The following BFSP1 variants were observed in gnomAD, a reference collection of about 807,000 sequenced individuals.
The protein encoded by BFSP1 is filensin.
A neutral mutation model predicts 43.9 loss-of-function variants in BFSP1; 38 were observed. The ratio of observed to expected loss-of-function variants is 0.87; its 90% CI spans 0.67 to 1.14. The LOEUF is 1.14. BFSP1 is among the 50% of genes most tolerant of loss of function. BFSP1 has a pLI of 0.00. For synonymous variants in BFSP1, 352 were observed against 354.8 expected (o/e 0.99, Z 0.09); for missense variants, 850 against 875.1 (o/e 0.97, Z 0.36).
chr20:17,565,461 G>C (rs1427867702), intron 1 of BFSP1: 1 of 152,234 alleles, frequency 6.6e-6, no homozygotes, highest in Non-Finnish European at 1.5e-5. Context: ...ATGCCCATCA[G>C]TAGGGGAAAA....
intron 1 of BFSP1, among the ~76,000 whole-genome samples, chr20:17,568,740 T>C (rs959559780): frequency 1.3e-5 from 2 of 151,992 alleles, no homozygotes; most frequent in Admixed American, 1.3e-4. Context: ...TAATGAGAAA[T>C]GGGTTCCTAT....
chr20:17,545,453 A>G (rs551542899), intron 1 of BFSP1, among the ~76,000 whole-genome samples: 1 of 152,366 alleles, frequency 6.6e-6, no homozygotes, highest in African/African-American at 2.4e-5. Context: ...AGTAAAAGGC[A>G]TGGTTAAACA....
At chr20:17,567,408 AAAT>A (rs1038788524) in intron 1 of BFSP1, among the ~76,000 whole-genome samples, 2 of 152,208 alleles carry the variant, frequency 1.3e-5, no homozygotes, top group Admixed American at 1.3e-4. Flanking sequence ...AAATGCACAT[AAAT>A]AATTACAGAG....
At chr20:17,512,327 A>G (rs2034103824) in intron 3 of BFSP1, among the ~76,000 whole-genome samples, 1 of 152,134 alleles carries the variant, frequency 6.6e-6, no homozygotes, top group African/African-American at 2.4e-5. Context: ...TGAATAAACT[A>G]AGACTTGCCT....
chr20:17,559,990 T>C (rs928759982), upstream of BFSP1, among the ~76,000 whole-genome samples: 5 of 152,144 alleles, frequency 3.3e-5, no homozygotes, highest in Non-Finnish European at 7.4e-5. Flanking sequence ...TCATGACCAT[T>C]GGCCTTTGGC....
chr20:17,548,396 G>C (rs999182942), intron 1 of BFSP1, among the ~76,000 whole-genome samples: 1 of 152,082 alleles, frequency 6.6e-6, no homozygotes, highest in Non-Finnish European at 1.5e-5. Flanking sequence ...TGCCTTACAG[G>C]CTCTCTTAAA....
At chr20:17,557,234 G>A (rs2035006417) in intron 1 of BFSP1, among the ~76,000 whole-genome samples, 1 of 152,218 alleles carries the variant, frequency 6.6e-6, no homozygotes, top group African/African-American at 2.4e-5. Flanking sequence ...TTGATACCAG[G>A]TCCCACGTCA....
intron 2 of BFSP1, among the ~76,000 whole-genome samples, chr20:17,520,780 G>T (rs1311997560): frequency 6.6e-6 from 1 of 152,100 alleles, no homozygotes; most frequent in Non-Finnish European, 1.5e-5. Flanking sequence ...TCATTTCCGG[G>T]CTCAGAGGAA....
At chr20:17,506,535 T>A (rs560295850) in intron 5 of BFSP1, among the ~76,000 whole-genome samples, 2 of 151,952 alleles carry the variant, frequency 1.3e-5, no homozygotes, top group African/African-American at 4.8e-5. Context: ...CTTTTTTTTT[T>A]TTTTTGGAAA....
At chr20:17,509,155 G>T (rs1473475910) in intron 4 of BFSP1, among the ~76,000 whole-genome samples, 159 bp from the exon 5 acceptor site, 1 of 150,560 alleles carries the variant, frequency 6.6e-6, no homozygotes, top group Admixed American at 6.6e-5. Flanking sequence ...GAGACCTTTG[G>T]AAGGTGTTAG....
chr20:17,542,227 T>G (rs1334771394), intron 1 of BFSP1, among the ~76,000 whole-genome samples: 1 of 151,590 alleles, frequency 6.6e-6, no homozygotes, highest in East Asian at 1.9e-4. Context: ...AGCTTGAAAT[T>G]GGAAACGGTG....
intron 5 of BFSP1, 135 bp downstream of exon 5, chr20:17,508,754 A>C: frequency 1.3e-4 from 117 of 879,388 alleles, no homozygotes; most frequent in Middle Eastern, 3.7e-4. Context: ...CCACTCAGAA[A>C]ACCCCGTTTC....
At chr20:17,558,713 T>G (rs989815323) in exon 1 of BFSP1, 1 of 1,551,912 alleles carries the variant, frequency 6.4e-7, no homozygotes. Flanking sequence ...TGGAGGCTCC[T>G]TCTGTGAAAT....
chr20:17,500,124 T>C (rs2033760582), intron 5 of BFSP1, among the ~76,000 whole-genome samples: 1 of 152,212 alleles, frequency 6.6e-6, no homozygotes, highest in East Asian at 1.9e-4. Flanking sequence ...GCTTTGATTT[T>C]CTCCCGAGTT....
At position 17,498,963 on chromosome 20, in the gene BFSP1, A is replaced by G. The variant is rs1568681257; in HGVS notation, c.813T>C (p.Ile271=). The change falls in exon 6 of 8, where the codon ATT becomes ATC. Residue 271 remains isoleucine, a synonymous_variant. Coordinates refer to ENST00000377873, the MANE Select transcript of BFSP1 (RefSeq NM_001195.5). ...CCTCAATCTCCTTGCGCAGTGTCTCAATCTGCTCGTTATAAAGCTGAATCT... is the reference window on the plus strand; with the variant it reads ...CCTCAATCTCCTTGCGCAGTGTCTCGATCTGCTCGTTATAAAGCTGAATCT... ...DDEIQLYNEQ[I]ETLRKEIEET... 1.2e-6 allele frequency: 2 copies of G among 1,614,166 alleles called. No individual in the cohort carries two copies. The highest frequency in any genetic ancestry group is 1.6e-4 in the Middle Eastern group (1 of 6,062).
At chr20:17,510,513 G>C (rs939329561) in intron 4 of BFSP1, among the ~76,000 whole-genome samples, 1 of 152,168 alleles carries the variant, frequency 6.6e-6, no homozygotes, top group South Asian at 2.1e-4. Flanking sequence ...AATGGTAACT[G>C]GTGGGCAATT....
chr20:17,555,336 G>A (rs1432955584), intron 1 of BFSP1, among the ~76,000 whole-genome samples: 37 of 145,472 alleles, frequency 2.5e-4, no homozygotes, highest in African/African-American at 9.1e-4. Context: ...TTTACTGAGA[G>A]TCACAAAGGA....
At chr20:17,558,692 T>C (rs779057633) in exon 1 of BFSP1, 5 of 1,552,014 alleles carry the variant, frequency 3.2e-6, no homozygotes, top group Non-Finnish European at 4.4e-6. Context: ...ACTTACATAC[T>C]TTCTCCAGCA....
At chr20:17,505,498 C>T (rs2123473305) in intron 5 of BFSP1, among the ~76,000 whole-genome samples, 1 of 152,388 alleles carries the variant, frequency 6.6e-6, no homozygotes, top group African/African-American at 2.4e-5. Context: ...GGCCCTGGTG[C>T]TAGCAGACGC....
Sources: allele counts gnomAD v4.1 joint callset (sites outside exome capture counted in the v4.1 genomes callset), GRCh38; gene constraint gnomAD v4.1.1; transcripts MANE v1.5; gene names NCBI Gene and HGNC (gene_info 2026-07-23, HGNC 2026-07-21).